STAU2: variants seen among roughly 807,000 people sequenced by gnomAD.
STAU2 encodes the protein double-stranded RNA-binding protein Staufen homolog 2.
A neutral mutation model predicts 65.9 loss-of-function variants in STAU2; 20 were observed. That is an observed-to-expected ratio of 0.30 (90% CI 0.21 to 0.44). The LOEUF (loss-of-function observed/expected upper bound fraction) is 0.44. STAU2 is among the 20% of genes least tolerant of loss of function. The pLI is 1.00. For synonymous variants in STAU2, 232 were observed against 233.9 expected, an observed-to-expected ratio of 0.99 and a Z score of 0.07; for missense variants, 558 against 683.9, an observed-to-expected ratio of 0.82 and a Z score of 2.05.
chr8:73,665,068 T>G (rs1307881175), intron 6 of STAU2, among the ~76,000 whole-genome samples: 1 of 152,196 alleles, frequency 6.6e-6, no homozygotes, highest in African/African-American at 2.4e-5. Flanking sequence ...CATCCTTGCT[T>G]TGGTAACTTG....
chr8:73,433,455 C>T (rs1156570084), intron 13 of STAU2, among the ~76,000 whole-genome samples: 3 of 149,634 alleles, frequency 2.0e-5, no homozygotes, highest in Admixed American at 6.6e-5. Flanking sequence ...CCGCCCACCT[C>T]GGCCTCCCAA....
intron 13 of STAU2, among the ~76,000 whole-genome samples, chr8:73,460,710 C>T (rs1171609308): frequency 6.6e-6 from 1 of 152,168 alleles, no homozygotes; most frequent in Non-Finnish European, 1.5e-5. Context: ...TTATCAGTTG[C>T]TTCTGGAATG....
rs555969429 is a variant in STAU2, at chr8:73,467,990, T to C, written c.1531-45288A>G. Among the ~76,000 whole-genome samples, 182 of 152,310 alleles carry C rather than the reference T, an allele frequency of 1.2e-3. 1 individual carries two copies. The highest frequency in any genetic ancestry group is 2.6e-3 in the Admixed American group (40 of 15,294). ...ATATGCAACCAAAAAAGAGCCCACA[T>C]TGCCAAGTCAATCCTAAGCCAAAAG... On this transcript the variant is annotated intron_variant, in intron 13 of 14. Coordinates refer to ENST00000524300, the MANE Select transcript of STAU2 (RefSeq NM_001164380.2).
chr8:73,581,450 G>A (rs1809975827), intron 12 of STAU2, among the ~76,000 whole-genome samples: 3 of 152,314 alleles, frequency 2.0e-5, no homozygotes, highest in Non-Finnish European at 4.4e-5. Flanking sequence ...TAAAAGACAA[G>A]AGGGAGGAGG....
intron 5 of STAU2, among the ~76,000 whole-genome samples, chr8:73,684,562 GA>G (rs1476668725): frequency 2.0e-5 from 3 of 152,152 alleles, no homozygotes; most frequent in Admixed American, 2.0e-4. Context: ...AAGGCTTCAT[GA>G]CCAAGAACCC....
chr8:73,429,411 G>GTT (rs1261161673), intron 13 of STAU2, among the ~76,000 whole-genome samples: 23 of 67,136 alleles, frequency 3.4e-4, no homozygotes, highest in East Asian at 1.6e-3. Context: ...TCTTGCTCAG[G>GTT]TCTTTTTTTT....
intron 5 of STAU2, among the ~76,000 whole-genome samples, chr8:73,673,544 T>C (rs2130415772): frequency 6.6e-6 from 1 of 152,282 alleles, no homozygotes; most frequent in East Asian, 1.9e-4. Flanking sequence ...TATTATTTTT[T>C]AAAGTACTGC....
chr8:73,542,256 C>T (rs1401298630), intron 13 of STAU2, among the ~76,000 whole-genome samples: 3 of 152,086 alleles, frequency 2.0e-5, no homozygotes, highest in African/African-American at 7.2e-5. Flanking sequence ...ATACATGGTC[C>T]TGTAACAACT....
chr8:73,675,370 T>TACACACACACACACACAC (rs34764136), intron 5 of STAU2: 8 of 145,572 alleles, frequency 5.5e-5, no homozygotes, highest in East Asian at 2.0e-4. Flanking sequence ...CATACATGTA[T>TACACACACACACACACAC]ACACACACAC....
chr8:73,558,160 C>T (rs1639059174), intron 12 of STAU2, among the ~76,000 whole-genome samples: 2 of 152,178 alleles, frequency 1.3e-5, no homozygotes, highest in South Asian at 4.1e-4. Flanking sequence ...AGGTAGGAAA[C>T]TAAATGCAAC....
chr8:73,645,174 A>C (rs1043146558), intron 6 of STAU2, among the ~76,000 whole-genome samples: 1 of 152,206 alleles, frequency 6.6e-6, no homozygotes, highest in African/African-American at 2.4e-5. Flanking sequence ...GTCCATGACT[A>C]TAGAGACAAA....
chr8:73,639,654 G>A (rs1814810679), intron 6 of STAU2, among the ~76,000 whole-genome samples: 1 of 151,974 alleles, frequency 6.6e-6, no homozygotes, highest in Admixed American at 6.6e-5. Context: ...CACCGTAGAG[G>A]CTCCTACATA....
In STAU2 at chr8:73,523,211, A is replaced by AAG. The variant is rs1215954165; in HGVS notation, c.1530+28800_1530+28801insCT. On this transcript the variant is annotated intron_variant, in intron 13 of 14. Coordinates refer to ENST00000524300, the MANE Select transcript of STAU2 (RefSeq NM_001164380.2). The stretch of plus-strand genomic sequence containing the variant: ...ACTTTGTCTCCAAAAAAAAAAAAAA[A>AAG]AAAAAAAAGAAAAGTCTGAAGCAGG... Among the ~76,000 whole-genome samples the AAG allele has an allele frequency of 7.5e-5, 5 of 66,632 alleles. No individual in the cohort carries two copies. The South Asian group carries it at 9.7e-4, about 13-fold the overall frequency. 43.7% of individuals were successfully genotyped at this position (66,632 alleles called of 152,430 possible).
At chr8:73,730,333 T>C (rs1347363235) in intron 3 of STAU2, among the ~76,000 whole-genome samples, 3 of 152,256 alleles carry the variant, frequency 2.0e-5, no homozygotes, top group Admixed American at 2.0e-4. Flanking sequence ...CCACTGTGAC[T>C]GGAGAAGATA....
At chr8:73,431,973 C>T (rs1250975167) in intron 13 of STAU2, among the ~76,000 whole-genome samples, 1 of 152,186 alleles carries the variant, frequency 6.6e-6, no homozygotes, top group East Asian at 1.9e-4. Flanking sequence ...TAACTTATCC[C>T]CTTGTGACAC....
At chr8:73,525,502 G>A (rs1041363870) in intron 13 of STAU2, among the ~76,000 whole-genome samples, 84 of 152,134 alleles carry the variant, frequency 5.5e-4, no homozygotes, top group Non-Finnish European at 2.1e-4. Context: ...CCTTGGCATA[G>A]GAACTTGGCA....
At chr8:73,460,164 G>C (rs895919952) in intron 13 of STAU2, among the ~76,000 whole-genome samples, 1 of 152,192 alleles carries the variant, frequency 6.6e-6, no homozygotes, top group African/African-American at 2.4e-5. Context: ...TACCTGACAA[G>C]TTATGTTTCT....
intron 6 of STAU2, among the ~76,000 whole-genome samples, chr8:73,655,671 C>CA (rs1271843525): frequency 1.0e-5 from 1 of 99,448 alleles, no homozygotes; most frequent in African/African-American, 4.1e-5. Context: ...TTTTTGGAGA[C>CA]AGAGTCTTGC....
At chr8:73,447,465 T>A (rs1818534306) in intron 13 of STAU2, among the ~76,000 whole-genome samples, 1 of 152,238 alleles carries the variant, frequency 6.6e-6, no homozygotes, top group Non-Finnish European at 1.5e-5. Flanking sequence ...CCCATAATAA[T>A]AAATATTTAG....
Sources: gnomAD v4.1 joint callset for allele counts (sites outside exome capture counted in the v4.1 genomes callset) on GRCh38, gnomAD v4.1.1 for gene constraint, MANE v1.5 for transcripts, NCBI Gene and HGNC (gene_info 2026-07-23, HGNC 2026-07-21) for gene names.